Variants in TGFBR3L observed in about 807,000 individuals in gnomAD.
TGFBR3L encodes the protein transforming growth factor-beta receptor type 3-like protein.
TGFBR3L carries 21 observed loss-of-function variants against 20.4 expected under a neutral mutation model. The ratio of observed to expected loss-of-function variants is 1.03; its 90% CI spans 0.73 to 1.48. The LOEUF (loss-of-function observed/expected upper bound fraction) is 1.48. Ranked by LOEUF, TGFBR3L falls within the 40% of genes most tolerant of loss-of-function variation. TGFBR3L has a pLI of 0.00. For synonymous variants in TGFBR3L, 245 were observed against 244.2 expected, an observed-to-expected ratio of 1.00 and a Z score of -0.03; for missense variants, 479 against 498.0, an observed-to-expected ratio of 0.96 and a Z score of 0.36.
At position 7,919,035 on chromosome 19, in the gene TGFBR3L, C is replaced by A. The variant is rs1360275689; in HGVS notation, c.*124C>A. 11 of 398,770 alleles carry A rather than the reference C, an allele frequency of 2.8e-5. No individual in the cohort carries two copies. In the Admixed American group the frequency reaches 4.4e-4, roughly 16 times the overall value. The allele number at this position is 398,770 out of a possible 1,614,324, so 24.7% of individuals were successfully genotyped here. A position where few individuals can be genotyped will look rare whatever the true frequency, so the allele number is the denominator to read the frequency against. On this transcript the variant is annotated 3_prime_UTR_variant, in exon 6 of 6. Coordinates refer to ENST00000565886, the MANE Select transcript of TGFBR3L (RefSeq NM_001195259.2). The stretch of plus-strand genomic sequence containing the variant: ...ACCTGATGAGGCCACGACCCCTGCG[C>A]TTCTCTCCTCCCCCTGTCCCTCCCA...
At chr19:7,917,023 G>A in intron 2 of TGFBR3L, 81 bp downstream of exon 3, 2 of 1,222,384 alleles carry the variant, frequency 1.6e-6, no homozygotes, top group South Asian at 3.1e-5. Flanking sequence ...GTGGAAAGAG[G>A]ATACTCTCGG....
Position 7,916,950 on chromosome 19 carries a change from G to A in TGFBR3L, c.597+8G>A, listed in dbSNP as rs911159457. On this transcript the variant is annotated splice_region_variant and intron_variant, in intron 2 of 5. Transcript: ENST00000565886. ...CCGCCGCCGCCATCGCGGGTGCGCG[G>A]GCGCAGAGCCTGGAATCCGGGCGCT... 1.9e-4 allele frequency: 246 copies of A among 1,282,524 alleles called. No individual in the cohort carries two copies. The highest frequency in any genetic ancestry group is 2.3e-4 in the Non-Finnish European group (239 of 1,022,650). 79.4% of individuals were successfully genotyped at this position (1,282,524 alleles called of 1,614,324 possible).
chr19:7,917,240 C>T (rs1306910248), intron 2 of TGFBR3L, among the ~76,000 whole-genome samples: 6 of 152,142 alleles, frequency 3.9e-5, no homozygotes, highest in Non-Finnish European at 7.4e-5. Flanking sequence ...CTGGGAGACG[C>T]GGACCATGCG....
Position 7,916,136 on chromosome 19 carries a change from GGCTTCGCCA to G in TGFBR3L, c.-125_-117del. The G allele has an allele frequency of 7.0e-7, 1 of 1,432,254 alleles. No homozygotes were observed. Among genetic ancestry groups the G allele is most frequent in the Non-Finnish European group, 9.1e-7 (1 of 1,096,784 alleles). 88.7% of individuals were successfully genotyped at this position (1,432,254 alleles called of 1,614,324 possible). On this transcript the variant is annotated 5_prime_UTR_variant, in exon 1 of 6. Transcript: ENST00000565886. The stretch of plus-strand genomic sequence containing the variant: ...ACCGCTTCTCTTCCGCCCCAGGGAG[GGCTTCGCCA>G]GCTTCGGAGGCTTCTCTAGGGGCGC...
Position 7,915,076 on chromosome 19 carries a change from G to T in TGFBR3L, c.-1192G>T, listed in dbSNP as rs1479067059. ...CGCAACCTCCGCCTCCCCGGTTCAAGTGATTCTCCTGCCTCAGCCTCCTGA... is the reference window on the plus strand; with the variant it reads ...CGCAACCTCCGCCTCCCCGGTTCAATTGATTCTCCTGCCTCAGCCTCCTGA... On this transcript the variant is annotated 5_prime_UTR_variant, in exon 1 of 6. Coordinates refer to ENST00000565886, the MANE Select transcript of TGFBR3L (RefSeq NM_001195259.2). Among the ~76,000 whole-genome samples the T allele has an allele frequency of 6.6e-6, 1 of 152,198 alleles. No individual in the cohort carries two copies. Among genetic ancestry groups the T allele is most frequent in the Non-Finnish European group, 1.5e-5 (1 of 68,042 alleles).
intron 2 of TGFBR3L, 43 bp downstream of exon 3, chr19:7,916,985 C>A: frequency 7.9e-7 from 1 of 1,259,130 alleles, no homozygotes; most frequent in Non-Finnish European, 9.9e-7. Flanking sequence ...TGGGGCCCTT[C>A]GGGGGCTGGG....
intron 2 of TGFBR3L, 72 bp from the exon 4 acceptor site, chr19:7,917,401 G>A (rs1983358675): frequency 4.1e-6 from 6 of 1,479,334 alleles, no homozygotes; most frequent in Admixed American, 4.6e-5. Flanking sequence ...CTCTCTTGGG[G>A]GCCCTGGGGA....
In TGFBR3L at chr19:7,916,316, C is replaced by T; in HGVS notation, c.49C>T (p.Arg17Trp). Residue 17 changes from arginine to tryptophan, a missense_variant, in exon 1 of 6, where the codon CGG becomes TGG. Transcript: ENST00000565886. ...CGCATCCCTTTTCCAAAGGCGGCGG[C>T]GGGGGCGAGGTGGTCGGGTCACTTT... 6.5e-7 allele frequency: 1 copy of T among 1,535,462 alleles called. No homozygotes were observed. The highest frequency in any genetic ancestry group is 8.7e-7 in the Non-Finnish European group (1 of 1,146,680).
At position 7,917,567 on chromosome 19, in the gene TGFBR3L, C is replaced by T; in HGVS notation, c.692C>T (p.Pro231Leu). The change falls in exon 3 of 6, where the codon CCT (proline) becomes CTT (leucine). Residue 231 changes from proline (P) to leucine (L), a missense_variant. Coordinates refer to ENST00000565886, the MANE Select transcript of TGFBR3L (RefSeq NM_001195259.2). Reference sequence around the variant, plus strand: ...CCCCACCTGCACACGCTGACGCAGCCTATCGTGGTCACCGTGCCGCGGCCG... The same window carrying T: ...CCCCACCTGCACACGCTGACGCAGCTTATCGTGGTCACCGTGCCGCGGCCG... The T allele has an allele frequency of 1.3e-6, 2 of 1,502,278 alleles. No homozygotes were observed. The highest frequency in any genetic ancestry group is 1.8e-6 in the Non-Finnish European group (2 of 1,129,868). The allele number at this position is 1,502,278 out of a possible 1,614,324, so 93.1% of individuals were successfully genotyped here.
rs754283373 is a variant in TGFBR3L at position 7,916,313 on chromosome 19, C to A, written c.46C>A (p.Arg16=). ...AACCGCATCCCTTTTCCAAAGGCGG[C>A]GGCGGGGGCGAGGTGGTCGGGTCAC... The change falls in exon 1 of 6, where the codon CGG becomes AGG. Residue 16 remains arginine (R), a synonymous_variant. Transcript: ENST00000565886. The A allele has an allele frequency of 1.3e-6, 2 of 1,535,466 alleles. No homozygotes were observed. Among genetic ancestry groups the A allele is most frequent in the South Asian group, 2.4e-5 (2 of 84,044 alleles).
At position 7,916,785 on chromosome 19, in the gene TGFBR3L, G is replaced by T. The variant is rs1447576448; in HGVS notation, c.440G>T (p.Gly147Val). 1.3e-6 allele frequency: 2 copies of T among 1,488,546 alleles called. No individual in the cohort carries two copies. Among genetic ancestry groups the T allele is most frequent in the Non-Finnish European group, 8.9e-7 (1 of 1,125,040 alleles). 92.2% of individuals were successfully genotyped at this position (1,488,546 alleles called of 1,614,324 possible). ...CCGCCACCGCCGCCGCCGAGCCCGG[G>T]TGCCGCCCGCCCCGCGCGTTTCAGC... The change falls in exon 2 of 6, where the codon GGT (glycine) becomes GTT (valine). Residue 147 changes from glycine (G) to valine (V), a missense_variant. By Grantham distance (109) the Gly-to-Val change is moderately radical. Coordinates refer to ENST00000565886, the MANE Select transcript of TGFBR3L (RefSeq NM_001195259.2).
Position 7,916,795 on chromosome 19 carries a change from C to G in TGFBR3L, c.450C>G (p.Arg150=). The change falls in exon 2 of 6, where the codon CGC becomes CGG. Residue 150 remains arginine (R), a synonymous_variant. Coordinates refer to ENST00000565886, the MANE Select transcript of TGFBR3L (RefSeq NM_001195259.2). ...CGCCGCCGAGCCCGGGTGCCGCCCG[C>G]CCCGCGCGTTTCAGCTTCCGCCTGC... 1 of 1,487,888 alleles carries G rather than the reference C, an allele frequency of 6.7e-7. No individual in the cohort carries two copies. Among genetic ancestry groups the G allele is most frequent in the Non-Finnish European group, 8.9e-7 (1 of 1,124,482 alleles). The allele number at this position is 1,487,888 out of a possible 1,614,324, so 92.2% of individuals were successfully genotyped here.
chr19:7,918,738 G>C (rs1367139025), intron 5 of TGFBR3L, 179 bp from the exon 7 acceptor site: 1 of 396,036 alleles, frequency 2.5e-6, no homozygotes, highest in East Asian at 3.6e-5. Flanking sequence ...CGCGGGCTTT[G>C]GGTCGAGCCA....
Position 7,915,522 on chromosome 19 carries a change from AAG to A in TGFBR3L, c.-741_-740del, listed in dbSNP as rs1317484980. On this transcript the variant is annotated 5_prime_UTR_variant, in exon 1 of 6. Transcript: ENST00000565886. The stretch of plus-strand genomic sequence containing the variant: ...GCTCATGCCTGTAATCCCAGCACTT[AAG>A]AGAGGCTGAGGTGAGAGGATCGCTT... 6.6e-6 allele frequency among the ~76,000 whole-genome samples: 1 copy of A among 152,120 alleles called. No homozygotes were observed. Among genetic ancestry groups the A allele is most frequent in the Non-Finnish European group, 1.5e-5 (1 of 68,012 alleles).
At position 7,916,650 on chromosome 19, in the gene TGFBR3L, G is replaced by A; in HGVS notation, c.305G>A (p.Trp102Ter). The A allele has an allele frequency of 7.0e-7, 1 of 1,424,574 alleles. No homozygotes were observed. Among genetic ancestry groups the A allele is most frequent in the Non-Finnish European group, 9.1e-7 (1 of 1,100,844 alleles). 88.2% of individuals were successfully genotyped at this position (1,424,574 alleles called of 1,614,324 possible). A position where few individuals can be genotyped will look rare whatever the true frequency, so the allele number is the denominator to read the frequency against. The change falls in exon 2 of 6, where the codon TGG (tryptophan) becomes TAG (stop). Residue 102 changes from tryptophan to a stop codon, truncating the protein, a stop_gained. Transcript: ENST00000565886. LOFTEE classifies it high-confidence loss of function. ...GCCTTGGCCCGTCCCTCCCCGCGCT[G>A]GGGCCTGGCCCTGCACCGCTGCTCA...
At position 7,915,473 on chromosome 19, in the gene TGFBR3L, T is replaced by C. The variant is rs1479109016; in HGVS notation, c.-795T>C. Among the ~76,000 whole-genome samples the C allele has an allele frequency of 6.6e-6, 1 of 151,828 alleles. No homozygotes were observed. The highest frequency in any genetic ancestry group is 1.5e-5 in the Non-Finnish European group (1 of 67,968). ...TACCCAGGTGCTCTTCAGAAGTGGG[T>C]GTGGTGTGCGGATGGACAAGGGGGC... On this transcript the variant is annotated 5_prime_UTR_variant, in exon 1 of 6. Transcript: ENST00000565886.
chr19:7,916,514 G>C lies in TGFBR3L; in HGVS notation c.247G>C (p.Val83Leu). 1 of 1,512,276 alleles carries C rather than the reference G, an allele frequency of 6.6e-7. No homozygotes were observed. The highest frequency in any genetic ancestry group is 8.8e-7 in the Non-Finnish European group (1 of 1,132,882). The allele number at this position is 1,512,276 out of a possible 1,614,324, so 93.7% of individuals were successfully genotyped here. ...TCCTCGCCGCGCGGGGCCGCTCGAG[G>C]TCCCGGCCGACAGCCGCGTGTTCGT... Residue 83 changes from valine to leucine, a missense_variant, in exon 1 of 6, where the codon GTC becomes CTC. Physicochemically the swap from Val to Leu is conservative, Grantham distance 32 (BLOSUM62 1). Transcript: ENST00000565886.
rs371784810 is a variant in TGFBR3L at position 7,918,645 on chromosome 19, C to T, written c.*6-272C>T. The T allele has an allele frequency of 3.6e-5, 13 of 360,372 alleles. 1 individual carries two copies. The highest frequency in any genetic ancestry group is 2.7e-4 in the African/African-American group (13 of 48,040). 22.3% of individuals were successfully genotyped at this position (360,372 alleles called of 1,614,324 possible). A position where few individuals can be genotyped will look rare whatever the true frequency, so the allele number is the denominator to read the frequency against. On this transcript the variant is annotated intron_variant, in intron 5 of 5. Coordinates refer to ENST00000565886, the MANE Select transcript of TGFBR3L (RefSeq NM_001195259.2). ...TTAGAGACGAGAATGATGAGGCATT[C>T]TCTGAATTAAGTAACTTGTCAAAAG...
chr19:7,917,591 C>T lies in TGFBR3L; in HGVS notation c.716C>T (p.Pro239Leu). The T allele has an allele frequency of 6.8e-7, 1 of 1,476,922 alleles. No individual in the cohort carries two copies. Among genetic ancestry groups the T allele is most frequent in the South Asian group, 1.3e-5 (1 of 77,472 alleles). The allele number at this position is 1,476,922 out of a possible 1,614,324, so 91.5% of individuals were successfully genotyped here. The change falls in exon 3 of 6, where the codon CCG becomes CTG. Residue 239 changes from proline (P) to leucine (L), a missense_variant. Coordinates refer to ENST00000565886, the MANE Select transcript of TGFBR3L (RefSeq NM_001195259.2). ...CCTATCGTGGTCACCGTGCCGCGGCCGCCCCCCAGTGAGCACGCAGTCCTC... is the reference window on the plus strand; with the variant it reads ...CCTATCGTGGTCACCGTGCCGCGGCTGCCCCCCAGTGAGCACGCAGTCCTC...
Sources: gnomAD v4.1 joint callset for allele counts (sites outside exome capture counted in the v4.1 genomes callset) on GRCh38, gnomAD v4.1.1 for gene constraint, MANE v1.5 for transcripts, NCBI Gene and HGNC (gene_info 2026-07-23, HGNC 2026-07-21) for gene names.